IQCM: variants seen among roughly 807,000 people sequenced by gnomAD.
The protein encoded by IQCM is IQ domain-containing protein M.
IQCM carries 45 observed loss-of-function variants against 57.6 expected under a neutral mutation model. The ratio of observed to expected loss-of-function variants is 0.78; its 90% CI spans 0.62 to 1.00. IQCM has a LOEUF of 1.00. Among genes scored for constraint, IQCM ranks in the 50% least tolerant of loss-of-function variants. The pLI is 0.00. For missense variants in IQCM, 468 were observed against 511.6 expected (o/e 0.91, Z 0.82); for synonymous variants, 148 against 158.9 (o/e 0.93, Z 0.51).
chr4:149,685,497 G>C (rs182264768), intron 6 of IQCM, among the ~76,000 whole-genome samples: 1 of 151,288 alleles, frequency 6.6e-6, no homozygotes, highest in African/African-American at 2.4e-5. Flanking sequence ...TCTGAGTATT[G>C]TATGACACTT....
intron 13 of IQCM, among the ~76,000 whole-genome samples, chr4:149,416,763 T>C (rs1316115146): frequency 6.6e-6 from 1 of 152,168 alleles, no homozygotes; most frequent in African/African-American, 2.4e-5. Flanking sequence ...TAAACCCTTC[T>C]GCCTTTGTGT....
intron 5 of IQCM, among the ~76,000 whole-genome samples, chr4:149,730,674 C>T (rs981315519): frequency 6.6e-6 from 1 of 152,162 alleles, no homozygotes; most frequent in African/African-American, 2.4e-5. Flanking sequence ...TTACCAAAGA[C>T]TTTAAATTTC....
At chr4:149,621,327 G>T in intron 7 of IQCM, 83 bp from the exon 8 acceptor site, 1 of 535,342 alleles carries the variant, frequency 1.9e-6, no homozygotes, top group Non-Finnish European at 2.8e-6. Flanking sequence ...GTTGCAAAGA[G>T]TAAAGCAAAT....
At chr4:149,756,121 T>C (rs1205539756) in intron 2 of IQCM, among the ~76,000 whole-genome samples, 1 of 152,250 alleles carries the variant, frequency 6.6e-6, no homozygotes, top group Non-Finnish European at 1.5e-5. Context: ...TCTAGCTTTA[T>C]CTTAGCTTAT....
intron 7 of IQCM, among the ~76,000 whole-genome samples, chr4:149,638,617 T>A (rs961957824): frequency 3.3e-5 from 5 of 152,132 alleles, no homozygotes; most frequent in Non-Finnish European, 7.3e-5. Context: ...TCTAAAAATA[T>A]TATGCTAATT....
rs1560778766 is a variant in IQCM at position 149,368,783 on chromosome 4, T to TATATATATATATACATATATATACAC, written c.1391-16718_1391-16717insGTGTATATATATGTATATATATATAT. Among the ~76,000 whole-genome samples the TATATATATATATACATATATATACAC allele has an allele frequency of 1.7e-3, 128 of 77,232 alleles. 10 individuals are homozygous for TATATATATATATACATATATATACAC. Among genetic ancestry groups the TATATATATATATACATATATATACAC allele is most frequent in the Non-Finnish European group, 2.9e-3 (106 of 36,542 alleles). 50.7% of individuals were successfully genotyped at this position (77,232 alleles called of 152,430 possible). On this transcript the variant is annotated intron_variant, in intron 13 of 13. Coordinates refer to ENST00000636793, the MANE Select transcript of IQCM (RefSeq NM_001363507.2). ...ATATATATATATACATATATATACA[T>TATATATATATATACATATATATACAC]GTATATATATACATATATATACATG...
At chr4:149,656,678 G>A (rs1483272822) in intron 7 of IQCM, among the ~76,000 whole-genome samples, 1 of 152,098 alleles carries the variant, frequency 6.6e-6, no homozygotes, top group African/African-American at 2.4e-5. Flanking sequence ...AAAACAACAT[G>A]GCCTTTGCTC....
chr4:149,538,730 A>C lies in IQCM; in HGVS notation c.1228+9725T>G, dbSNP rs528628086. On this transcript the variant is annotated intron_variant, in intron 12 of 13. Transcript: ENST00000636793. ...AAATACTTGGAAAAATCATAGAAGA[A>C]AAACCTTTATCTTATTACAAGCAAA... is the stretch of plus-strand genomic sequence containing the variant. Among the ~76,000 whole-genome samples the C allele has an allele frequency of 2.6e-5, 4 of 152,064 alleles. No homozygotes were observed. In the South Asian group the frequency reaches 8.3e-4, roughly 32 times the overall value.
chr4:149,454,173 C>T (rs35514189), intron 12 of IQCM, among the ~76,000 whole-genome samples: 18,297 of 118,450 alleles, frequency 0.15, 1,499 homozygotes, highest in East Asian at 0.32. Context: ...TATATACACA[C>T]ACACACACAC....
intron 12 of IQCM, among the ~76,000 whole-genome samples, chr4:149,485,856 G>A (rs1345174024): frequency 1.3e-5 from 2 of 152,080 alleles, no homozygotes; most frequent in African/African-American, 4.8e-5. Context: ...AGGCTTTCCA[G>A]GTATTCAAAG....
intron 2 of IQCM, among the ~76,000 whole-genome samples, chr4:149,785,611 T>C (rs1383181529): frequency 6.6e-6 from 1 of 152,008 alleles, no homozygotes; most frequent in Non-Finnish European, 1.5e-5. Flanking sequence ...ATTTATATTA[T>C]CTCAACTTTA....
At chr4:149,486,065 T>TCTCTCTCTCTCTC (rs1226218898) in intron 12 of IQCM, among the ~76,000 whole-genome samples, 3 of 83,382 alleles carry the variant, frequency 3.6e-5, no homozygotes, top group Non-Finnish European at 8.5e-5. Context: ...CTCTCTCTCT[T>TCTCTCTCTCTCTC]TCTCTGTCTG....
chr4:149,543,745 A>T (rs558887635), intron 12 of IQCM, among the ~76,000 whole-genome samples: 10 of 3,656 alleles, frequency 2.7e-3, no homozygotes, highest in South Asian at 0.033. Context: ...TAATAGAAAT[A>T]AAAAAAGTGA....
chr4:149,790,225 T>C, intron 2 of IQCM: 1 of 298,282 alleles, frequency 3.4e-6, no homozygotes, highest in Non-Finnish European at 6.6e-6. Context: ...TGCAGAACAA[T>C]AATGATGCAT....
intron 5 of IQCM, among the ~76,000 whole-genome samples, chr4:149,688,714 C>T (rs1762728025): frequency 6.6e-6 from 1 of 151,938 alleles, no homozygotes; most frequent in African/African-American, 2.4e-5. Context: ...TACTATAAGG[C>T]CATAGTCACC....
intron 12 of IQCM, among the ~76,000 whole-genome samples, chr4:149,547,362 G>A (rs963455480): frequency 1.3e-5 from 2 of 152,132 alleles, no homozygotes; most frequent in African/African-American, 4.8e-5. Context: ...GAACTTGGAA[G>A]ACATTATGTT....
At chr4:149,356,404 C>T (rs1391401459) in intron 13 of IQCM, among the ~76,000 whole-genome samples, 2 of 152,014 alleles carry the variant, frequency 1.3e-5, no homozygotes, top group Non-Finnish European at 1.5e-5. Context: ...TTTAATCCAT[C>T]TTGAATTAAT....
intron 13 of IQCM, among the ~76,000 whole-genome samples, chr4:149,391,664 A>G (rs1382571994): frequency 3.3e-5 from 5 of 151,884 alleles, no homozygotes; most frequent in Admixed American, 2.6e-4. Flanking sequence ...TTTAAGTTTC[A>G]GTATGTTGTA....
rs182610171 is a variant in IQCM, at chr4:149,374,275, T to C, written c.1391-22209A>G. Among the ~76,000 whole-genome samples, 831 of 152,286 alleles carry C rather than the reference T, an allele frequency of 5.5e-3. 30 individuals are homozygous for C. The highest frequency in any genetic ancestry group is 0.051 in the Admixed American group (771 of 15,260). ...TACTTAATTATTGTATCCATCTATT[T>C]ATTTATCTATCTATCACATTTCTAG... On this transcript the variant is annotated intron_variant, in intron 13 of 13. Coordinates refer to ENST00000636793, the MANE Select transcript of IQCM (RefSeq NM_001363507.2).
Sources: gnomAD v4.1 joint callset for allele counts (sites outside exome capture counted in the v4.1 genomes callset) on GRCh38, gnomAD v4.1.1 for gene constraint, MANE v1.5 for transcripts, NCBI Gene and HGNC (gene_info 2026-07-23, HGNC 2026-07-21) for gene names.